BAZ2A: variants seen among roughly 807,000 people sequenced by gnomAD.
BAZ2A encodes bromodomain adjacent to zinc finger domain 2A.
In BAZ2A, 34 loss-of-function variants were observed where a neutral mutation model predicts 199.9. That is an observed-to-expected ratio of 0.17 (90% CI 0.13 to 0.23). The LOEUF (loss-of-function observed/expected upper bound fraction) is 0.23. BAZ2A is among the 10% of genes least tolerant of loss of function. The probability of loss-of-function intolerance (pLI) is 1.00; values close to 1 mark genes in which losing one functional copy is unlikely to be tolerated. For missense variants in BAZ2A, 2,002 were observed against 2,391.1 expected (o/e 0.84, Z 3.39); for synonymous variants, 857 against 883.9 (o/e 0.97, Z 0.54).
Position 56,605,932 on chromosome 12 carries a change from C to T in BAZ2A, c.2391G>A (p.Lys797=). 6.4e-7 allele frequency: 1 copy of T among 1,567,212 alleles called. No individual in the cohort carries two copies. Among genetic ancestry groups the T allele is most frequent in the Non-Finnish European group, 8.7e-7 (1 of 1,155,344 alleles). ...TKAKPACKAD[K]TLATQRRLEE... ...CCAAGCGCCTCTGTGTGGCCAGGGT[C>T]TTATCTGCTTTACAGGCTGGCTTGG... Residue 797 remains lysine (K), a synonymous_variant, in exon 13 of 29, where the codon AAG becomes AAA. Transcript: ENST00000549884.
intron 11 of BAZ2A, 117 bp downstream of exon 11, chr12:56,606,516 A>T: frequency 8.2e-7 from 1 of 1,217,796 alleles, no homozygotes; most frequent in Non-Finnish European, 1.2e-6. Flanking sequence ...AAGAAATTTC[A>T]GGGTAATGAA....
chr12:56,604,849 A>C (rs576681946), intron 14 of BAZ2A, 50 bp from the exon 15 acceptor site: 24 of 1,571,036 alleles, frequency 1.5e-5, no homozygotes, highest in Admixed American at 1.1e-4. Flanking sequence ...ATGCACAACC[A>C]AGTTGGGTGA....
At chr12:56,636,465 T>C (rs182365797), upstream of BAZ2A, 388 of 1,044,600 alleles carry the variant, frequency 3.7e-4, 1 homozygote, top group African/African-American at 5.9e-3. Flanking sequence ...AGGAGAAATA[T>C]GGAGGAAGGT....
chr12:56,626,200 CTA>C (rs1951092828), intron 1 of BAZ2A, among the ~76,000 whole-genome samples: 1 of 152,090 alleles, frequency 6.6e-6, no homozygotes, highest in African/African-American at 2.4e-5. Context: ...TCATCTTGGG[CTA>C]TATATAAGGC....
At chr12:56,625,799 C>G (rs542352750) in intron 1 of BAZ2A, among the ~76,000 whole-genome samples, 2 of 149,080 alleles carry the variant, frequency 1.3e-5, no homozygotes, top group African/African-American at 5.0e-5. Context: ...TGGCGTGAAC[C>G]CGGGAGGCGG....
At chr12:56,606,809 G>T in intron 10 of BAZ2A, 76 bp from the exon 11 acceptor site, 2 of 1,213,224 alleles carry the variant, frequency 1.6e-6, no homozygotes, top group Non-Finnish European at 1.2e-6. Flanking sequence ...ACACATGCCC[G>T]TCTCAAAGCT....
At chr12:56,637,997 G>GT (rs1951482910), upstream of BAZ2A, among the ~76,000 whole-genome samples, 1 of 152,184 alleles carries the variant, frequency 6.6e-6, no homozygotes, top group Admixed American at 6.5e-5. Context: ...TGCTGGTGAT[G>GT]TGAGACTACA....
chr12:56,637,643 TTAATTC>T (rs1951478869), upstream of BAZ2A, among the ~76,000 whole-genome samples: 1 of 152,170 alleles, frequency 6.6e-6, no homozygotes, highest in South Asian at 2.1e-4. Context: ...TCTTGAAAAT[TTAATTC>T]ATTAAACTCA....
In BAZ2A at chr12:56,598,603, C is replaced by T. The variant is rs753169300; in HGVS notation, c.*15G>A. 16 of 1,611,408 alleles carry T rather than the reference C, an allele frequency of 9.9e-6. No individual in the cohort carries two copies. Among genetic ancestry groups the T allele is most frequent in the South Asian group, 8.8e-5 (8 of 90,728 alleles). ...GGGGGGAGATGCCACAAGGTGACTC[C>T]CCACCTCCCTTGCCTCACAGATTGG... On this transcript the variant is annotated 3_prime_UTR_variant, in exon 29 of 29. Coordinates refer to ENST00000549884, the MANE Select transcript of BAZ2A (RefSeq NM_001300905.2).
At chr12:56,611,507 C>G (rs1950556521) in intron 7 of BAZ2A, 66 bp downstream of exon 7, 7 of 1,495,392 alleles carry the variant, frequency 4.7e-6, no homozygotes. Flanking sequence ...AGAGGCATTC[C>G]CTTCTTTCTA....
At chr12:56,615,789 G>A (rs1004677229) in intron 2 of BAZ2A, among the ~76,000 whole-genome samples, 182 bp from the exon 3 acceptor site, 1 of 152,194 alleles carries the variant, frequency 6.6e-6, no homozygotes, top group Non-Finnish European at 1.5e-5. Context: ...CCTGGATGTA[G>A]GTTTAGCAAC....
At chr12:56,636,403 G>A, upstream of BAZ2A, 1 of 1,357,080 alleles carries the variant, frequency 7.4e-7, no homozygotes. Flanking sequence ...AGGAGGGAAG[G>A]GCGGGGCTTT....
chr12:56,636,753 G>A (rs1951455737), upstream of BAZ2A: 3 of 153,756 alleles, frequency 2.0e-5, no homozygotes, highest in South Asian at 1.9e-4. Flanking sequence ...GGACCTAGAG[G>A]AAGTGTCCAC....
At chr12:56,610,270 G>C in intron 8 of BAZ2A, 55 bp from the exon 9 acceptor site, 1 of 1,595,436 alleles carries the variant, frequency 6.3e-7, no homozygotes, top group Admixed American at 1.7e-5. Flanking sequence ...CATGTCTTTG[G>C]CCAGCAAAGG....
At chr12:56,626,629 C>A (rs899475997) in intron 1 of BAZ2A, among the ~76,000 whole-genome samples, 6 of 152,116 alleles carry the variant, frequency 3.9e-5, no homozygotes. Flanking sequence ...AAAAATGCAC[C>A]CATTTTATAA....
At chr12:56,623,726 C>T (rs921577828) in intron 1 of BAZ2A, among the ~76,000 whole-genome samples, 1 of 152,036 alleles carries the variant, frequency 6.6e-6, no homozygotes, top group Non-Finnish European at 1.5e-5. Flanking sequence ...AAAGATGCTG[C>T]TAGGCGTCCT....
At chr12:56,621,511 T>G (rs973572466) in intron 1 of BAZ2A, among the ~76,000 whole-genome samples, 1 of 152,148 alleles carries the variant, frequency 6.6e-6, no homozygotes, top group Admixed American at 6.5e-5. Context: ...CCAACTCTAC[T>G]ATTTACTAGC....
chr12:56,598,554 A>G lies in BAZ2A; in HGVS notation c.*64T>C. 6.4e-7 allele frequency: 1 copy of G among 1,563,776 alleles called. No individual in the cohort carries two copies. The highest frequency in any genetic ancestry group is 1.2e-5 in the South Asian group (1 of 85,554). On this transcript the variant is annotated 3_prime_UTR_variant, in exon 29 of 29. Transcript: ENST00000549884. Reference sequence around the variant, plus strand: ...CCCAGGGCAGCATCAGCAGGTGAAAATGGCAGGTTTTTGTTTGGAAGGTGG... The same window carrying G: ...CCCAGGGCAGCATCAGCAGGTGAAAGTGGCAGGTTTTTGTTTGGAAGGTGG...
rs757065987 is a variant in BAZ2A at position 56,605,365 on chromosome 12, A to G, written c.2494-38T>C. 1.9e-5 allele frequency: 29 copies of G among 1,538,302 alleles called. No individual in the cohort carries two copies. In the African/African-American group the frequency reaches 2.2e-4, roughly 12 times the overall value. On this transcript the variant is annotated intron_variant, in intron 13 of 28. Transcript: ENST00000549884. ...AAGTGAGTAGAGAGTTCTGTTAAAC[A>G]TAACAGAAGATGACAATTTGCATGT... is the stretch of plus-strand genomic sequence containing the variant.
Sources: allele counts gnomAD v4.1 joint callset (sites outside exome capture counted in the v4.1 genomes callset), GRCh38; gene constraint gnomAD v4.1.1; transcripts MANE v1.5; gene names NCBI Gene and HGNC (gene_info 2026-07-23, HGNC 2026-07-21).